SLC2A1: variants seen among roughly 807,000 people sequenced by gnomAD.
SLC2A1 encodes solute carrier family 2 member 1.
SLC2A1 carries 4 observed loss-of-function variants against 46.6 expected under a neutral mutation model. The ratio of observed to expected loss-of-function variants is 0.09; its 90% confidence interval spans 0.04 to 0.20. The LOEUF (loss-of-function observed/expected upper bound fraction) is 0.20, where lower values mean the gene tolerates loss of function less well. Among genes scored for constraint, SLC2A1 ranks in the 10% least tolerant of loss-of-function variants. The probability of loss-of-function intolerance (pLI) is 1.00; values close to 1 mark genes in which losing one functional copy is unlikely to be tolerated. For synonymous variants in SLC2A1, 253 were observed against 270.0 expected, an observed-to-expected ratio of 0.94 and a Z score of 0.62; for missense variants, 352 against 667.0, an observed-to-expected ratio of 0.53 and a Z score of 5.20.
chr1:42,956,606 T>TA (rs1557655857), intron 1 of SLC2A1, among the ~76,000 whole-genome samples: 1 of 151,532 alleles, frequency 6.6e-6, no homozygotes, highest in Non-Finnish European at 1.5e-5. Flanking sequence ...TAAATAAAAA[T>TA]AAAAAAATAA....
chr1:42,926,631 T>G lies in SLC2A1; in HGVS notation c.*410A>C. ...AGAAGCTTTGTAGTTCATAGTTCGA[T>G]TAGTGTGTCCTTAGGACATAGGTCC... is the stretch of plus-strand genomic sequence containing the variant. On this transcript the variant is annotated 3_prime_UTR_variant, in exon 10 of 10. Transcript: ENST00000426263. The G allele has an allele frequency of 4.5e-6, 5 of 1,122,086 alleles. No individual in the cohort carries two copies. The highest frequency in any genetic ancestry group is 4.7e-6 in the Non-Finnish European group (4 of 847,142). The allele number at this position is 1,122,086 out of a possible 1,614,324, so 69.5% of individuals were successfully genotyped here.
intron 1 of SLC2A1, among the ~76,000 whole-genome samples, chr1:42,945,445 G>C: frequency 6.6e-6 from 1 of 151,774 alleles, no homozygotes; most frequent in Non-Finnish European, 1.5e-5. Context: ...AAAAAAATTG[G>C]CTGGGGGTAG....
chr1:42,952,375 G>A (rs772140023), intron 1 of SLC2A1: 35 of 477,704 alleles, frequency 7.3e-5, no homozygotes, highest in African/African-American at 5.7e-4. Context: ...CTAGCGCTTG[G>A]CTGGAGGAGA....
At chr1:42,932,507 G>A (rs1365147463) in intron 2 of SLC2A1, among the ~76,000 whole-genome samples, 1 of 152,122 alleles carries the variant, frequency 6.6e-6, no homozygotes, top group African/African-American at 2.4e-5. Context: ...AAACTCACAT[G>A]CCCCTCATCC....
At chr1:42,932,752 A>C (rs1472872366) in intron 2 of SLC2A1, among the ~76,000 whole-genome samples, 1 of 152,164 alleles carries the variant, frequency 6.6e-6, no homozygotes, top group Non-Finnish European at 1.5e-5. Flanking sequence ...ATGCCCACCT[A>C]TTCAAATATG....
At chr1:42,958,505 C>T in intron 1 of SLC2A1, 129 bp downstream of exon 1, 1 of 627,146 alleles carries the variant, frequency 1.6e-6, no homozygotes, top group Non-Finnish European at 2.2e-6. Flanking sequence ...GAGCCAGGCT[C>T]GGAGAGGCGC....
chr1:42,937,558 G>A (rs1037561748), intron 2 of SLC2A1, among the ~76,000 whole-genome samples: 4 of 152,186 alleles, frequency 2.6e-5, no homozygotes, highest in Admixed American at 6.5e-5. Flanking sequence ...CAGACTCCCC[G>A]GAGTTACATT....
chr1:42,941,128 A>G (rs1643593603), intron 2 of SLC2A1, among the ~76,000 whole-genome samples: 1 of 152,142 alleles, frequency 6.6e-6, no homozygotes, highest in African/African-American at 2.4e-5. Context: ...TCCCGTCTCT[A>G]GTCTCACATT....
In SLC2A1 at chr1:42,929,353, T is replaced by A; in HGVS notation, c.868-39A>T. ...GAAACTGTTGGGGCCTACCTGGACATTGTGGCCCTTCCCTGCCTCTGTAGC... is the reference window on the plus strand; with the variant it reads ...GAAACTGTTGGGGCCTACCTGGACAATGTGGCCCTTCCCTGCCTCTGTAGC... On this transcript the variant is annotated intron_variant, in intron 6 of 9. Coordinates refer to ENST00000426263, the MANE Select transcript of SLC2A1 (RefSeq NM_006516.4). This position sits in a 1 kb window ranked among gnomAD's most constrained non-coding sequence, Gnocchi z 6.0. 1 of 1,506,098 alleles carries A rather than the reference T, an allele frequency of 6.6e-7. No individual in the cohort carries two copies. The allele number at this position is 1,506,098 out of a possible 1,614,324, so 93.3% of individuals were successfully genotyped here. A position where few individuals can be genotyped will look rare whatever the true frequency, so the allele number is the denominator to read the frequency against.
chr1:42,935,111 G>A (rs1363061346), intron 2 of SLC2A1, among the ~76,000 whole-genome samples: 1 of 152,132 alleles, frequency 6.6e-6, no homozygotes, highest in Admixed American at 6.6e-5. Context: ...AGCGGTTCTG[G>A]TTAGTTCCTG....
Position 42,927,511 on chromosome 1 carries a change from A to G in SLC2A1, c.1278+94T>C. 7.8e-7 allele frequency: 1 copy of G among 1,274,454 alleles called. No individual in the cohort carries two copies. The highest frequency in any genetic ancestry group is 1.1e-6 in the Non-Finnish European group (1 of 887,040). 78.9% of individuals were successfully genotyped at this position (1,274,454 alleles called of 1,614,324 possible). On this transcript the variant is annotated intron_variant, in intron 9 of 9. Transcript: ENST00000426263. This position sits in a 1 kb window ranked among gnomAD's most constrained non-coding sequence, Gnocchi z 5.3. ...GCTTCCTACCCTCAGTTTCCTCCTCAGCATGATTCCTAATGAGAATGCTGG... is the reference window on the plus strand; with the variant it reads ...GCTTCCTACCCTCAGTTTCCTCCTCGGCATGATTCCTAATGAGAATGCTGG...
intron 2 of SLC2A1, among the ~76,000 whole-genome samples, chr1:42,934,110 C>T (rs1395373809): frequency 6.6e-6 from 1 of 152,148 alleles, no homozygotes; most frequent in Admixed American, 6.5e-5. Context: ...CCTAAATAAG[C>T]TTGAAGATCT....
intron 2 of SLC2A1, among the ~76,000 whole-genome samples, chr1:42,941,714 G>A (rs1160369395): frequency 6.6e-6 from 1 of 152,198 alleles, no homozygotes; most frequent in Non-Finnish European, 1.5e-5. Flanking sequence ...CAAGTGGAGA[G>A]CTCAACCTCC....
At chr1:42,946,776 A>G (rs933158445) in intron 1 of SLC2A1, among the ~76,000 whole-genome samples, 1 of 152,154 alleles carries the variant, frequency 6.6e-6, no homozygotes, top group African/African-American at 2.4e-5. Flanking sequence ...AGTAGGCACA[A>G]GACACTGCGA....
intron 1 of SLC2A1, chr1:42,952,286 C>T (rs924823861): frequency 4.8e-6 from 2 of 420,350 alleles, no homozygotes; most frequent in Middle Eastern, 3.5e-4. Context: ...ACAAATAGCC[C>T]GGGCTTCTAG....
chr1:42,943,133 C>T, intron 2 of SLC2A1, 93 bp downstream of exon 2: 3 of 846,798 alleles, frequency 3.5e-6, no homozygotes, highest in East Asian at 2.6e-5. Flanking sequence ...ATATAAATGA[C>T]TCTAATTCAG....
In SLC2A1 at chr1:42,927,311, T is replaced by C; in HGVS notation, c.1279-70A>G. The C allele has an allele frequency of 6.9e-7, 1 of 1,446,108 alleles. No homozygotes were observed. Among genetic ancestry groups the C allele is most frequent in the Non-Finnish European group, 9.7e-7 (1 of 1,032,682 alleles). The allele number at this position is 1,446,108 out of a possible 1,614,324, so 89.6% of individuals were successfully genotyped here. The stretch of plus-strand genomic sequence containing the variant: ...TCCTGGCTGTAGGACTTTGGATAAG[T>C]CACTTTACCTTTGGGCCTTTGAGCT... On this transcript the variant is annotated intron_variant, in intron 9 of 9. Transcript: ENST00000426263. The surrounding 1 kb of genome is among the most constrained non-coding windows in gnomAD (Gnocchi z 5.3).
intron 1 of SLC2A1, among the ~76,000 whole-genome samples, chr1:42,950,991 C>T (rs1157796161): frequency 6.6e-6 from 1 of 152,158 alleles, no homozygotes; most frequent in Non-Finnish European, 1.5e-5. Context: ...AAAGTCTCTT[C>T]CTCTAAGCTT....
At chr1:42,937,607 A>C (rs567904243) in intron 2 of SLC2A1, among the ~76,000 whole-genome samples, 82 of 152,338 alleles carry the variant, frequency 5.4e-4, no homozygotes, top group African/African-American at 1.8e-3. Context: ...CCTTGCTTTA[A>C]TTGCTTAACA....
Sources: gnomAD v4.1 joint callset for allele counts (sites outside exome capture counted in the v4.1 genomes callset) on GRCh38, gnomAD v4.1.1 for gene constraint, Gnocchi (gnomAD v3.1) non-coding constraint, MANE v1.5 for transcripts, NCBI Gene and HGNC (gene_info 2026-07-23, HGNC 2026-07-21) for gene names.